ACOT1: variants seen among roughly 807,000 people sequenced by gnomAD.
ACOT1 encodes the protein acyl-CoA thioesterase 1, also known as acyl-coenzyme A thioesterase 1.
ACOT1 carries 8 observed loss-of-function variants against 15.7 expected under a neutral mutation model. The observed-to-expected ratio is 0.51, with a 90% confidence interval of 0.30 to 0.92. The LOEUF is 0.92. Ranked by LOEUF, ACOT1 falls within the 40% of genes least tolerant of loss-of-function variation. The pLI, the probability that ACOT1 is intolerant of heterozygous loss-of-function variation, is 0.06. For synonymous variants in ACOT1, 67 were observed against 241.2 expected (o/e 0.28, Z 6.69); for missense variants, 151 against 539.4 (o/e 0.28, Z 7.13).
chr14:73,526,314 A>G, the ACOT1 span, among the ~76,000 whole-genome samples: 27,830 of 152,224 alleles, frequency 0.18, 3,242 homozygotes, highest in South Asian at 0.25. Context: ...TTCTGCCACC[A>G]GCTGACCAAA....
At chr14:73,543,013 A>T in intron 2 of ACOT1, 37 bp from the exon 3 acceptor site, 1 of 1,243,884 alleles carries the variant, frequency 8.0e-7, no homozygotes, top group Non-Finnish European at 1.1e-6. Context: ...CTGTTTGTGG[A>T]GCCATTCTTC....
rs372510461 is a variant in ACOT1 at position 73,541,742 on chromosome 14, T to C, written c.660+47T>C. On this transcript the variant is annotated intron_variant, in intron 2 of 2. Transcript: ENST00000311148. ...ATGGGCTATGATGTATCAGGTCTCT[T>C]CTTAAATGGTCTGGGTTTTCACAGA... 1.8e-4 allele frequency: 215 copies of C among 1,173,918 alleles called. 54 individuals carry two copies. The highest frequency in any genetic ancestry group is 7.3e-4 in the Admixed American group (30 of 41,160). 72.7% of individuals were successfully genotyped at this position (1,173,918 alleles called of 1,614,324 possible).
chr14:73,519,255 C>T, the ACOT1 span: 2 of 1,358,270 alleles, frequency 1.5e-6, no homozygotes, highest in South Asian at 3.0e-5. Context: ...ACCCAACTTC[C>T]TTTTGCCCTA....
At chr14:73,519,745 C>T in the ACOT1 span, among the ~76,000 whole-genome samples, 1 of 151,620 alleles carries the variant, frequency 6.6e-6, no homozygotes, top group Non-Finnish European at 1.5e-5. Context: ...CGGCTGGGCA[C>T]CATGGCTCAC....
At chr14:73,521,038 A>G in the ACOT1 span, 5 of 1,613,166 alleles carry the variant, frequency 3.1e-6, no homozygotes, top group South Asian at 5.5e-5. Flanking sequence ...TAACTGGGCA[A>G]TCTTGGCAGG....
At chr14:73,522,181 A>T in the ACOT1 span, 3 of 1,331,230 alleles carry the variant, frequency 2.3e-6, no homozygotes. Context: ...GGGAGAGTGC[A>T]TTCTGAAATC....
chr14:73,518,325 A>G, the ACOT1 span, among the ~76,000 whole-genome samples: 1 of 150,226 alleles, frequency 6.7e-6, no homozygotes, highest in African/African-American at 2.5e-5. Context: ...AATTGCTTGA[A>G]CCAGGAAGAT....
chr14:73,521,376 C>T, the ACOT1 span, among the ~76,000 whole-genome samples: 5 of 152,102 alleles, frequency 3.3e-5, no homozygotes, highest in Admixed American at 1.3e-4. Context: ...GAAGGGATCC[C>T]ACCTCCTTCG....
At chr14:73,491,069 C>T in the ACOT1 span, 1 of 1,594,280 alleles carries the variant, frequency 6.3e-7, no homozygotes, top group South Asian at 1.1e-5. Flanking sequence ...GCGGCCGAAG[C>T]GCCGGCGCAA....
chr14:73,498,191 T>C, the ACOT1 span: 18 of 1,613,788 alleles, frequency 1.1e-5, no homozygotes, highest in Non-Finnish European at 1.5e-5. Flanking sequence ...GAGCAGCACG[T>C]CTAGGAAGGT....
At chr14:73,500,310 C>G in the ACOT1 span, among the ~76,000 whole-genome samples, 1 of 148,260 alleles carries the variant, frequency 6.7e-6, no homozygotes, top group Admixed American at 6.7e-5. Flanking sequence ...CATCAACTAT[C>G]GTTAGTGTTA....
chr14:73,496,889 GTTTAC>G, the ACOT1 span, among the ~76,000 whole-genome samples: 2 of 152,052 alleles, frequency 1.3e-5, no homozygotes, highest in African/African-American at 4.8e-5. Context: ...TGGGTTTTTT[GTTTAC>G]TTTTTGTTTT....
chr14:73,502,984 C>T, the ACOT1 span: 248 of 1,613,980 alleles, frequency 1.5e-4, 2 homozygotes, highest in South Asian at 2.5e-3. Context: ...AGTCATTCCA[C>T]ATCAGCTGGA....
chr14:73,518,396 T>C, the ACOT1 span, among the ~76,000 whole-genome samples: 2 of 149,862 alleles, frequency 1.3e-5, no homozygotes, highest in African/African-American at 4.9e-5. Flanking sequence ...AGAGCAAGAC[T>C]CTGTCTCCAA....
the ACOT1 span, chr14:73,491,541 C>A: frequency 3.9e-6 from 6 of 1,532,022 alleles, no homozygotes; most frequent in Admixed American, 6.0e-5. Flanking sequence ...GTGGATAACA[C>A]GGGTGGGGAG....
chr14:73,525,858 C>A, the ACOT1 span, among the ~76,000 whole-genome samples: 1 of 151,556 alleles, frequency 6.6e-6, no homozygotes, highest in Non-Finnish European at 1.5e-5. Flanking sequence ...GAGGCTGAGG[C>A]AGAAGAATTG....
chr14:73,517,665 CAAAAAA>C, the ACOT1 span, among the ~76,000 whole-genome samples: 1 of 59,368 alleles, frequency 1.7e-5, no homozygotes, highest in Non-Finnish European at 3.0e-5. Context: ...GAGACCCTGT[CAAAAAA>C]AAAAAAAAAA....
At chr14:73,491,105 C>T in the ACOT1 span, 1 of 1,606,214 alleles carries the variant, frequency 6.2e-7, no homozygotes, top group South Asian at 1.1e-5. Flanking sequence ...CGGGTCGGTC[C>T]TGGCCCTGCC....
chr14:73,540,603 G>A (rs1279509167), intron 1 of ACOT1, among the ~76,000 whole-genome samples: 9 of 111,434 alleles, frequency 8.1e-5, no homozygotes, highest in Non-Finnish European at 9.5e-5. Context: ...ATACTATGAA[G>A]AAAACCAAGA....
Sources: gnomAD v4.1 joint callset for allele counts (sites outside exome capture counted in the v4.1 genomes callset) on GRCh38, gnomAD v4.1.1 for gene constraint, MANE v1.5 for transcripts, NCBI Gene and HGNC (gene_info 2026-07-23, HGNC 2026-07-21) for gene names.